ATP11A: variants seen among roughly 807,000 people sequenced by gnomAD.
ATP11A encodes ATPase phospholipid transporting 11A.
In ATP11A, 81 loss-of-function variants were observed where a neutral mutation model predicts 154.4. The ratio of observed to expected loss-of-function variants is 0.52; its 90% CI spans 0.44 to 0.63. ATP11A has a LOEUF of 0.63. Ranked by LOEUF, ATP11A falls within the 30% of genes least tolerant of loss-of-function variation. The pLI is 0.00. For missense variants in ATP11A, 1,316 were observed against 1,474.3 expected (o/e 0.89, Z 1.76); for synonymous variants, 623 against 585.9 (o/e 1.06, Z -0.91).
At chr13:112,868,138 A>C (rs2080397709) in intron 25 of ATP11A, among the ~76,000 whole-genome samples, 1 of 152,256 alleles carries the variant, frequency 6.6e-6, no homozygotes, top group Non-Finnish European at 1.5e-5. Context: ...GTTGAACAGC[A>C]AGACATTCCT....
chr13:112,708,189 G>A (rs1311853328), intron 1 of ATP11A, among the ~76,000 whole-genome samples: 1 of 152,192 alleles, frequency 6.6e-6, no homozygotes, highest in Non-Finnish European at 1.5e-5. Flanking sequence ...CAACCAGCAG[G>A]ATGCAGAAAA....
chr13:112,730,097 TAA>T (rs1368842514), intron 1 of ATP11A, among the ~76,000 whole-genome samples: 1 of 152,002 alleles, frequency 6.6e-6, no homozygotes, highest in Non-Finnish European at 1.5e-5. Context: ...TCATGGGAAA[TAA>T]AAGAGCCCGT....
chr13:112,705,121 A>G (rs1886993065), intron 1 of ATP11A, among the ~76,000 whole-genome samples: 1 of 152,254 alleles, frequency 6.6e-6, no homozygotes, highest in African/African-American at 2.4e-5. Flanking sequence ...CATCAAGTAT[A>G]CACGTGCTTT....
chr13:112,857,946 C>A, intron 21 of ATP11A, 26 bp downstream of exon 21: 1 of 1,610,360 alleles, frequency 6.2e-7, no homozygotes, highest in Non-Finnish European at 8.5e-7. Context: ...GCTGCTGGCA[C>A]ATCCTGGTGG....
chr13:112,787,587 G>A (rs182099482), intron 2 of ATP11A, among the ~76,000 whole-genome samples: 1 of 78,014 alleles, frequency 1.3e-5, no homozygotes, highest in East Asian at 3.2e-4. Context: ...AATTGACACC[G>A]GGTGTCCTGA....
At chr13:112,731,022 G>A (rs1890429278) in intron 1 of ATP11A, among the ~76,000 whole-genome samples, 1 of 152,126 alleles carries the variant, frequency 6.6e-6, no homozygotes. Flanking sequence ...TTGAACCTCT[G>A]CCTCCTGGGC....
chr13:112,789,342 C>A (rs2077764419), intron 2 of ATP11A, among the ~76,000 whole-genome samples: 1 of 151,372 alleles, frequency 6.6e-6, no homozygotes, highest in Non-Finnish European at 1.5e-5. Context: ...TTAATTCACA[C>A]CGAGTGTCCT....
chr13:112,738,351 C>T (rs938152816), intron 1 of ATP11A, among the ~76,000 whole-genome samples: 2 of 150,570 alleles, frequency 1.3e-5, no homozygotes, highest in Non-Finnish European at 2.9e-5. Context: ...CCAACCTGGA[C>T]GACAAGAGTG....
intron 1 of ATP11A, among the ~76,000 whole-genome samples, chr13:112,710,820 C>G (rs1887645231): frequency 6.6e-6 from 1 of 152,250 alleles, no homozygotes; most frequent in Non-Finnish European, 1.5e-5. Flanking sequence ...TCTGGTTGGT[C>G]TTCACCTGCC....
Position 112,842,361 on chromosome 13 carries a change from A to C in ATP11A, c.1791A>C (p.Arg597Ser), listed in dbSNP as rs2079447111. The C allele has an allele frequency of 6.2e-7, 1 of 1,607,776 alleles. No homozygotes were observed. Among genetic ancestry groups the C allele is most frequent in the Non-Finnish European group, 8.5e-7 (1 of 1,176,820 alleles). Residue 597 changes from arginine to serine, a missense_variant, in exon 17 of 30, where the codon AGA (arginine) becomes AGC (serine). By Grantham distance (110) the Arg-to-Ser change is moderately radical. This residue lies in a region of ATP11A where 876 missense variants were observed against 1,006.8 expected (regional missense o/e 0.87). Coordinates refer to ENST00000375645, the MANE Select transcript of ATP11A (RefSeq NM_015205.3). The stretch of plus-strand genomic sequence containing the variant: ...GCAAAGTTGACCAGATCCGAGCCAG[A>C]GTGGAGCGTAACGCAGTGGTGAGAG... The part of the protein sequence containing the change: ...IEGKVDQIRA[R>S]VERNAVEGLR...
chr13:112,856,249 C>T, intron 20 of ATP11A, 164 bp downstream of exon 20: 1 of 682,552 alleles, frequency 1.5e-6, no homozygotes, highest in Non-Finnish European at 2.3e-6. Flanking sequence ...TCTTGTTTTG[C>T]TTGTCGGGCC....
chr13:112,857,615 CTTTAT>C (rs1281075306), intron 20 of ATP11A, among the ~76,000 whole-genome samples, 198 bp from the exon 21 acceptor site: 1 of 152,174 alleles, frequency 6.6e-6, no homozygotes, highest in African/African-American at 2.4e-5. Context: ...ATTTCTTTTA[CTTTAT>C]TTTGTTTTGC....
At position 112,831,533 on chromosome 13, in the gene ATP11A, C is replaced by T. The variant is rs766156063; in HGVS notation, c.1380C>T (p.Pro460=). ...GAATCGACATGATTGACTCGTCCCC[C>T]AGCGTCAACGGGAGGGTAGGTGGCA... is the stretch of plus-strand genomic sequence containing the variant. ...SSGIDMIDSS[P]SVNGREREEL... Residue 460 remains proline, a synonymous_variant, in exon 13 of 30, where the codon CCC becomes CCT. Coordinates refer to ENST00000375645, the MANE Select transcript of ATP11A (RefSeq NM_015205.3). 4 of 1,614,124 alleles carry T rather than the reference C, an allele frequency of 2.5e-6. No individual in the cohort carries two copies. Among genetic ancestry groups the T allele is most frequent in the Non-Finnish European group, 3.4e-6 (4 of 1,179,966 alleles).
At chr13:112,732,761 G>A (rs1212347990) in intron 1 of ATP11A, among the ~76,000 whole-genome samples, 1 of 152,074 alleles carries the variant, frequency 6.6e-6, no homozygotes, top group Non-Finnish European at 1.5e-5. Context: ...GCAGGCGCAC[G>A]CCACCATGCC....
intron 17 of ATP11A, 102 bp from the exon 18 acceptor site, chr13:112,850,931 GGTTA>G (rs2079745752): frequency 2.4e-5 from 24 of 997,216 alleles, no homozygotes; most frequent in African/African-American, 4.9e-5. Flanking sequence ...ACAATTCTTG[GGTTA>G]GTTAGTCTAA....
At chr13:112,863,203 A>G (rs866944779) in intron 25 of ATP11A, among the ~76,000 whole-genome samples, 227 of 145,158 alleles carry the variant, frequency 1.6e-3, no homozygotes, top group African/African-American at 5.6e-3. Flanking sequence ...ACAGTAATTC[A>G]GTGCAGCCCA....
intron 1 of ATP11A, among the ~76,000 whole-genome samples, chr13:112,729,722 A>C (rs541474336): frequency 6.6e-6 from 1 of 152,384 alleles, no homozygotes; most frequent in Admixed American, 6.5e-5. Context: ...TTTAGCTGAT[A>C]GAGTCAGGCC....
chr13:112,765,148 C>A (rs980154113), intron 1 of ATP11A, among the ~76,000 whole-genome samples: 1 of 25,220 alleles, frequency 4.0e-5, no homozygotes, highest in East Asian at 1.3e-3. Flanking sequence ...GGCTTGCCCC[C>A]CCTCCCCCCC....
At position 112,795,567 on chromosome 13, in the gene ATP11A, G is replaced by A. The variant is rs192133391; in HGVS notation, c.163-9390G>A. ...TCTGAAAGTACTTCAGTAAATGAAAGGTGGAATTTTAAGTAGACTCTTTTT... is the reference window on the plus strand; with the variant it reads ...TCTGAAAGTACTTCAGTAAATGAAAAGTGGAATTTTAAGTAGACTCTTTTT... On this transcript the variant is annotated intron_variant, in intron 2 of 29. Coordinates refer to ENST00000375645, the MANE Select transcript of ATP11A (RefSeq NM_015205.3). Among the ~76,000 whole-genome samples, 56 of 152,318 alleles carry A rather than the reference G, an allele frequency of 3.7e-4. 2 individuals are homozygous for A. Among genetic ancestry groups the A allele is most frequent in the Admixed American group, 3.1e-3 (47 of 15,304 alleles).
Sources: gnomAD v4.1 joint callset for allele counts (sites outside exome capture counted in the v4.1 genomes callset) on GRCh38, gnomAD v4.1.1 for gene constraint, gnomAD v4.1.1 regional missense constraint, MANE v1.5 for transcripts, NCBI Gene and HGNC (gene_info 2026-07-23, HGNC 2026-07-21) for gene names.